ZNF385C: variants seen among roughly 807,000 people sequenced by gnomAD.
ZNF385C encodes CTD-2132N18.2.
A neutral mutation model predicts 35.4 loss-of-function variants in ZNF385C; 28 were observed. The ratio of observed to expected loss-of-function variants is 0.79; its 90% CI spans 0.59 to 1.08. ZNF385C has a LOEUF of 1.08. Ranked by LOEUF, ZNF385C falls within the 50% of genes least tolerant of loss-of-function variation. The pLI is 0.00. For synonymous variants in ZNF385C, 248 were observed against 248.2 expected (o/e 1.00, Z 0.01); for missense variants, 605 against 595.6 (o/e 1.02, Z -0.16).
At chr17:42,044,515 C>T (rs1383162885) in intron 2 of ZNF385C, among the ~76,000 whole-genome samples, 1 of 151,142 alleles carries the variant, frequency 6.6e-6, no homozygotes, top group African/African-American at 2.4e-5. Context: ...ACTCGGGAGG[C>T]TGAGGCAGGA....
chr17:42,032,220 C>T (rs1448102078), intron 4 of ZNF385C, among the ~76,000 whole-genome samples: 1 of 152,114 alleles, frequency 6.6e-6, no homozygotes, highest in East Asian at 1.9e-4. Context: ...GCCACCACAC[C>T]CGGCTAATTT....
intron 2 of ZNF385C, chr17:42,043,154 C>G: frequency 8.1e-7 from 1 of 1,232,186 alleles, no homozygotes; most frequent in Non-Finnish European, 1.0e-6. Flanking sequence ...CGCAGCAGGG[C>G]GTGGCGCTGG....
chr17:42,032,122 G>A (rs1053078391), intron 4 of ZNF385C, among the ~76,000 whole-genome samples: 3 of 151,940 alleles, frequency 2.0e-5, no homozygotes, highest in East Asian at 1.9e-4. Flanking sequence ...GTGCAGTGGC[G>A]CCATCTCAGC....
chr17:42,027,123 G>A lies in ZNF385C; in HGVS notation c.1286C>T (p.Ala429Val), dbSNP rs1377852677. ...CGTCTTGGTGAGTTGCTTCTGCAAG[G>A]CCAGTTTAGACTACACGGAAAAGAA... ...LAVSILKSKL[A>V]LQKQLTKTLA... The change falls in exon 9 of 9, where the codon GCC becomes GTC. Residue 429 changes from alanine to valine, a missense_variant. By Grantham distance (64) the Ala-to-Val change is moderately conservative. Transcript: ENST00000692273. 1.2e-6 allele frequency: 2 copies of A among 1,613,326 alleles called. No homozygotes were observed. The highest frequency in any genetic ancestry group is 1.7e-6 in the Non-Finnish European group (2 of 1,179,814).
At chr17:42,074,453 A>G (rs112120502) in intron 1 of ZNF385C, among the ~76,000 whole-genome samples, 55,945 of 151,112 alleles carry the variant, frequency 0.37, 11,828 homozygotes, top group African/African-American at 0.57. Flanking sequence ...GTGCAATGGC[A>G]CAATCTTGGC....
chr17:42,042,846 C>T (rs2053057124), intron 2 of ZNF385C: 4 of 1,232,218 alleles, frequency 3.2e-6, no homozygotes, highest in East Asian at 6.3e-5. Context: ...GCATGTCCCT[C>T]ACCCTCCTGG....
Position 42,050,403 on chromosome 17 carries a change from G to A in ZNF385C, c.250+12404C>T, listed in dbSNP as rs1312013598. Among the ~76,000 whole-genome samples the A allele has an allele frequency of 2.6e-5, 4 of 152,078 alleles. No homozygotes were observed. The highest frequency in any genetic ancestry group is 1.9e-4 in the East Asian group (1 of 5,164). On this transcript the variant is annotated intron_variant, in intron 2 of 8. Transcript: ENST00000692273. The surrounding 1 kb of genome is among the most constrained non-coding windows in gnomAD (Gnocchi z 5.6). ...ACGCATCCTCCCGGGGGCTGGGACG[G>A]GGAGGGCTGAGGAACTTCCTCTGGG...
intron 4 of ZNF385C, among the ~76,000 whole-genome samples, chr17:42,032,922 C>T (rs2052763926): frequency 6.6e-6 from 1 of 151,808 alleles, no homozygotes; most frequent in Non-Finnish European, 1.5e-5. Flanking sequence ...TGGGGTTTCA[C>T]CATGTTGGCC....
rs774057429 is a variant in ZNF385C at position 42,026,079 on chromosome 17, CAA to C, written c.*816_*817del. 3.3e-5 allele frequency: 5 copies of C among 152,064 alleles called. No individual in the cohort carries two copies. The highest frequency in any genetic ancestry group is 4.8e-5 in the African/African-American group (2 of 41,392). The allele number at this position is 152,064 out of a possible 1,614,324, so 9.4% of individuals were successfully genotyped here. A position where few individuals can be genotyped will look rare whatever the true frequency, so the allele number is the denominator to read the frequency against. ...GCTTCTGAGGGATGAGTTACTCCCT[CAA>C]TATTAAGACTGGGCTTATCAGCAAG... On this transcript the variant is annotated 3_prime_UTR_variant, in exon 9 of 9. Coordinates refer to ENST00000692273, the MANE Select transcript of ZNF385C (RefSeq NM_001392013.1).
chr17:42,058,946 C>A (rs1012144643), intron 2 of ZNF385C, among the ~76,000 whole-genome samples: 1 of 152,208 alleles, frequency 6.6e-6, no homozygotes, highest in Non-Finnish European at 1.5e-5. Flanking sequence ...CATGAGCCAC[C>A]GCGCCTGACC....
chr17:42,046,643 C>T (rs4796630), intron 2 of ZNF385C, among the ~76,000 whole-genome samples: 109,444 of 151,720 alleles, frequency 0.72, 42,056 homozygotes, highest in South Asian at 0.85. Context: ...AATAAAAATA[C>T]GAGAGGCCAA....
chr17:42,069,311 A>G (rs1232869454), intron 1 of ZNF385C, among the ~76,000 whole-genome samples: 1 of 152,138 alleles, frequency 6.6e-6, no homozygotes, highest in East Asian at 1.9e-4. Flanking sequence ...CTGGGGTCCC[A>G]TCTCCACCAC....
At chr17:42,075,965 A>G (rs2143913070) in intron 1 of ZNF385C, among the ~76,000 whole-genome samples, 3 of 152,082 alleles carry the variant, frequency 2.0e-5, no homozygotes, top group Admixed American at 2.0e-4. Context: ...CCCCAGGTCT[A>G]TTTTCACGTG....
chr17:42,083,664 A>C (rs2053773383), intron 1 of ZNF385C, among the ~76,000 whole-genome samples: 1 of 149,110 alleles, frequency 6.7e-6, no homozygotes, highest in African/African-American at 2.5e-5. Context: ...TAAAAGAATT[A>C]AAGTTTTTAC....
At chr17:42,049,350 C>T (rs1213418686) in intron 2 of ZNF385C, among the ~76,000 whole-genome samples, 1 of 151,994 alleles carries the variant, frequency 6.6e-6, no homozygotes, top group African/African-American at 2.4e-5. Flanking sequence ...AGTTCTCTTG[C>T]TTCATCCTCT....
rs1567984481 is a variant in ZNF385C at position 42,034,319 on chromosome 17, T to C, written c.416A>G (p.Lys139Arg). 5.2e-6 allele frequency: 8 copies of C among 1,550,534 alleles called. No homozygotes were observed. The highest frequency in any genetic ancestry group is 7.0e-6 in the Non-Finnish European group (8 of 1,146,956). Reference sequence around the variant, plus strand: ...ACCAAACGTGTGGCTGATGACAGCTTTCTGGACCGGGTCCATCTGTGAAGG... The same window carrying C: ...ACCAAACGTGTGGCTGATGACAGCTCTCTGGACCGGGTCCATCTGTGAAGG... Reference protein sequence around the residue: ...PNFSTMDPVQKAVISHTFGVP... With the variant: ...PNFSTMDPVQRAVISHTFGVP... Residue 139 changes from lysine to arginine, a missense_variant, in exon 4 of 9, where the codon AAA becomes AGA. By Grantham distance (26) the Lys-to-Arg change is conservative. Coordinates refer to ENST00000692273, the MANE Select transcript of ZNF385C (RefSeq NM_001392013.1).
chr17:42,096,847 T>C (rs1260965199), intron 1 of ZNF385C, among the ~76,000 whole-genome samples: 1 of 150,934 alleles, frequency 6.6e-6, no homozygotes, highest in Non-Finnish European at 1.5e-5. Flanking sequence ...ACAAGGTGAC[T>C]AAAAGAGGAG....
At chr17:42,087,065 C>T (rs184606242) in intron 1 of ZNF385C, among the ~76,000 whole-genome samples, 9 of 151,986 alleles carry the variant, frequency 5.9e-5, no homozygotes, top group East Asian at 1.9e-4. Flanking sequence ...TCAGGTGATC[C>T]GCCCACCTCA....
In ZNF385C at chr17:42,028,974, G is replaced by A. The variant is rs782525093; in HGVS notation, c.776C>T (p.Ser259Phe). 4 of 1,550,500 alleles carry A rather than the reference G, an allele frequency of 2.6e-6. No individual in the cohort carries two copies. Among genetic ancestry groups the A allele is most frequent in the Non-Finnish European group, 3.5e-6 (4 of 1,147,022 alleles). The change falls in exon 6 of 9, where the codon TCC becomes TTC. Residue 259 changes from serine to phenylalanine, a missense_variant. By Grantham distance (155) the Ser-to-Phe change is radical (BLOSUM62 -2). Transcript: ENST00000692273. ...PAHSELLDAASSSSSSSCPPC... is the reference protein window; with the variant it reads ...PAHSELLDAAFSSSSSSCPPC... ...TGGGCAGGAGGAAGAAGAGGATGAG[G>A]AGGCAGCATCCAAGAGCTCTGAGTG...
Sources: gnomAD v4.1 joint callset for allele counts (sites outside exome capture counted in the v4.1 genomes callset) on GRCh38, gnomAD v4.1.1 for gene constraint, Gnocchi (gnomAD v3.1) non-coding constraint, MANE v1.5 for transcripts, NCBI Gene and HGNC (gene_info 2026-07-23, HGNC 2026-07-21) for gene names.